Variants in MTUS1 observed in about 807,000 individuals in gnomAD.
MTUS1 encodes microtubule-associated tumor suppressor 1.
In MTUS1, 109 loss-of-function variants were observed where a neutral mutation model predicts 120.8. That is an observed-to-expected ratio of 0.90 (90% CI 0.77 to 1.06). The LOEUF is 1.06. MTUS1 is among the 50% of genes least tolerant of loss of function. The probability of loss-of-function intolerance (pLI) is 0.00; values close to 1 mark genes in which losing one functional copy is unlikely to be tolerated. For missense variants in MTUS1, 2,210 were observed against 1,486.3 expected (o/e 1.49, Z -8.01); for synonymous variants, 737 against 550.5 (o/e 1.34, Z -4.74).
intron 1 of MTUS1, among the ~76,000 whole-genome samples, chr8:17,784,817 C>A (rs936374497): frequency 4.0e-5 from 6 of 149,772 alleles, no homozygotes; most frequent in Admixed American, 1.3e-4. Flanking sequence ...CAGAGGCTTG[C>A]TCTATCACCC....
chr8:17,650,078 T>A (rs1806663366), intron 12 of MTUS1, 116 bp from the exon 13 acceptor site: 1 of 720,610 alleles, frequency 1.4e-6, no homozygotes, highest in African/African-American at 1.8e-5. Flanking sequence ...ATGTTCATCA[T>A]CTTAGAGCAA....
chr8:17,719,556 C>CTG (rs1823003188), intron 4 of MTUS1, among the ~76,000 whole-genome samples: 1 of 152,210 alleles, frequency 6.6e-6, no homozygotes, highest in South Asian at 2.1e-4. Flanking sequence ...TGCGTAAGTA[C>CTG]TAACATGTTT....
At chr8:17,674,925 C>T (rs961696526) in intron 8 of MTUS1, 6 of 1,256,582 alleles carry the variant, frequency 4.8e-6, no homozygotes, top group Non-Finnish European at 6.0e-6. Context: ...AACTCTGTCC[C>T]TCTCTTCAGC....
intron 6 of MTUS1, among the ~76,000 whole-genome samples, chr8:17,695,740 A>C (rs1430283291): frequency 6.6e-6 from 1 of 152,200 alleles, no homozygotes; most frequent in Non-Finnish European, 1.5e-5. Flanking sequence ...TCACATGCAA[A>C]TCTAAAACAC....
chr8:17,698,945 A>C (rs1036203632), intron 6 of MTUS1, among the ~76,000 whole-genome samples: 1 of 152,222 alleles, frequency 6.6e-6, no homozygotes, highest in Non-Finnish European at 1.5e-5. Flanking sequence ...CTTTTACTTC[A>C]TCCCAGTTTA....
In MTUS1 at chr8:17,646,983, T is replaced by G. The variant is rs1805938000; in HGVS notation, c.3598A>C (p.Arg1200=). 1 of 1,612,772 alleles carries G rather than the reference T, an allele frequency of 6.2e-7. No homozygotes were observed. The highest frequency in any genetic ancestry group is 2.2e-5 in the East Asian group (1 of 44,874). The change falls in exon 14 of 15, where the codon AGG becomes CGG. Residue 1200 remains arginine, a splice_region_variant and synonymous_variant. Coordinates refer to ENST00000693296, the MANE Select transcript of MTUS1 (RefSeq NM_001363059.2). ...GAAACAGCACTGTTTTATTTTTACC[T>G]TGAGATTGCCATGTGCTTGTCCATC... The part of the protein sequence containing the change: ...ARMDKHMAIS[R]QLSTEQAVLQ...
chr8:17,799,239 G>A (rs1256802383), intron 1 of MTUS1, among the ~76,000 whole-genome samples: 1 of 150,160 alleles, frequency 6.7e-6, no homozygotes, highest in African/African-American at 2.5e-5. Context: ...TGTTGCAAAA[G>A]TATATTTAGT....
At chr8:17,760,707 T>TG (rs1465370536) in intron 1 of MTUS1, among the ~76,000 whole-genome samples, 12 of 152,234 alleles carry the variant, frequency 7.9e-5, no homozygotes, top group Admixed American at 7.2e-4. Flanking sequence ...TTGCTGTAGT[T>TG]GCTATTTGTA....
At chr8:17,661,644 C>CAA (rs761888081) in intron 8 of MTUS1, among the ~76,000 whole-genome samples, 2 of 137,778 alleles carry the variant, frequency 1.5e-5, no homozygotes, top group Non-Finnish European at 1.6e-5. Flanking sequence ...CTCTATTCAC[C>CAA]AAAAAAAAAA....
Position 17,777,834 on chromosome 8 carries a change from T to C in MTUS1, c.-154-21873A>G, listed in dbSNP as rs76814389. 2.3e-3 allele frequency among the ~76,000 whole-genome samples: 345 copies of C among 152,330 alleles called. 2 individuals are homozygous for C. Among genetic ancestry groups the C allele is most frequent in the African/African-American group, 7.8e-3 (323 of 41,564 alleles). On this transcript the variant is annotated intron_variant, in intron 1 of 14. Transcript: ENST00000693296. ...ATTTTCAGTATATTTTCCACATCTG[T>C]GAAGACTTAGAAATGATGAAAATGT... is the stretch of plus-strand genomic sequence containing the variant.
At chr8:17,677,594 G>C (rs1246760317) in intron 7 of MTUS1, among the ~76,000 whole-genome samples, 1 of 152,060 alleles carries the variant, frequency 6.6e-6, no homozygotes, top group Non-Finnish European at 1.5e-5. Context: ...GCTTATTAAG[G>C]GAGGTTTTGG....
At chr8:17,711,949 T>A (rs563885407) in intron 6 of MTUS1, among the ~76,000 whole-genome samples, 1 of 152,292 alleles carries the variant, frequency 6.6e-6, no homozygotes, top group South Asian at 2.1e-4. Context: ...AATGCAAACG[T>A]ATCAGCTGTG....
At chr8:17,657,799 CAAAAA>C (rs1216051789) in intron 8 of MTUS1, among the ~76,000 whole-genome samples, 2 of 91,266 alleles carry the variant, frequency 2.2e-5, no homozygotes, top group Non-Finnish European at 2.0e-5. Flanking sequence ...GACCCTATCT[CAAAAA>C]AAAAAAAAAA....
At chr8:17,653,744 G>C (rs1807572553) in intron 10 of MTUS1, 1 of 425,262 alleles carries the variant, frequency 2.4e-6, no homozygotes, top group Admixed American at 4.4e-5. Context: ...ATGGCCCACA[G>C]AGGCCATGCG....
At chr8:17,774,296 A>C (rs2050240384) in intron 1 of MTUS1, among the ~76,000 whole-genome samples, 1 of 152,226 alleles carries the variant, frequency 6.6e-6, no homozygotes, top group East Asian at 1.9e-4. Flanking sequence ...AAACAGCTGA[A>C]CACCAGTTAG....
chr8:17,653,843 A>G, intron 10 of MTUS1: 1 of 203,976 alleles, frequency 4.9e-6, no homozygotes, highest in Non-Finnish European at 9.6e-6. Flanking sequence ...TGCTCTTTTC[A>G]ATTTGCTCTT....
chr8:17,784,845 T>C (rs7815547), intron 1 of MTUS1, among the ~76,000 whole-genome samples: 126,783 of 151,652 alleles, frequency 0.84, 53,476 homozygotes, highest in African/African-American at 0.89. Flanking sequence ...AGTACAGTGG[T>C]GCAATCTTGG....
intron 12 of MTUS1, among the ~76,000 whole-genome samples, chr8:17,650,916 G>A (rs948677215): frequency 1.3e-5 from 2 of 152,162 alleles, no homozygotes; most frequent in South Asian, 4.1e-4. Context: ...GGTAAGAGTC[G>A]GTGGTGTGGT....
intron 3 of MTUS1, among the ~76,000 whole-genome samples, chr8:17,742,291 G>GTTTTTTTTTTTTTTTTTTTTTTTTTGTTT (rs1237059839): frequency 1.1e-5 from 1 of 94,700 alleles, no homozygotes; most frequent in Non-Finnish European, 1.9e-5. Context: ...TGTTGTTGTT[G>GTTTTTTTTTTTTTTTTTTTTTTTTTGTTT]TTTTTTTTTT....
Sources: allele counts gnomAD v4.1 joint callset (sites outside exome capture counted in the v4.1 genomes callset), GRCh38; gene constraint gnomAD v4.1.1; transcripts MANE v1.5; gene names NCBI Gene and HGNC (gene_info 2026-07-23, HGNC 2026-07-21).